The following DYM variants were observed in gnomAD, a reference collection of about 807,000 sequenced individuals.
The protein encoded by DYM is dyggve-Melchior-Clausen syndrome protein.
In DYM, 78 loss-of-function variants were observed where a neutral mutation model predicts 93.1. That is an observed-to-expected ratio of 0.84 (90% CI 0.70 to 1.01). The LOEUF (loss-of-function observed/expected upper bound fraction) is 1.01, where lower values mean the gene tolerates loss of function less well. Ranked by LOEUF, DYM falls within the 50% of genes least tolerant of loss-of-function variation. The pLI, the probability that DYM is intolerant of heterozygous loss-of-function variation, is 0.00. For synonymous variants in DYM, 321 were observed against 319.7 expected, an observed-to-expected ratio of 1.00 and a Z score of -0.04; for missense variants, 789 against 845.0, an observed-to-expected ratio of 0.93 and a Z score of 0.82.
At chr18:49,267,240 C>A (rs2094585543) in intron 11 of DYM, among the ~76,000 whole-genome samples, 1 of 150,556 alleles carries the variant, frequency 6.6e-6, no homozygotes, top group South Asian at 2.1e-4. Flanking sequence ...ATATTATGAA[C>A]AATTTTATTG....
intron 5 of DYM, among the ~76,000 whole-genome samples, chr18:49,371,375 T>C (rs1361863792): frequency 1.3e-5 from 2 of 152,134 alleles, no homozygotes; most frequent in Non-Finnish European, 2.9e-5. Flanking sequence ...CTTAATGGTA[T>C]GTGCCTGTAG....
At position 49,182,217 on chromosome 18, in the gene DYM, T is replaced by C. The variant is rs144302642; in HGVS notation, c.1626-18430A>G. Among the ~76,000 whole-genome samples, 21 of 152,314 alleles carry C rather than the reference T, an allele frequency of 1.4e-4. No homozygotes were observed. The East Asian group carries it at 2.3e-3, about 17-fold the overall frequency. On this transcript the variant is annotated intron_variant, in intron 14 of 17. Transcript: ENST00000675505. ...TCTTACTGAGACTTGTTTGATGGCA[T>C]AGAATATGGTCTTTGTTGGCAAATG...
intron 2 of DYM, among the ~76,000 whole-genome samples, chr18:49,412,637 T>C (rs1034839963): frequency 6.6e-6 from 1 of 152,166 alleles, no homozygotes; most frequent in Non-Finnish European, 1.5e-5. Flanking sequence ...ATTTAGAAGA[T>C]GGTTTAGCAG....
chr18:49,168,295 G>A (rs1346426211), intron 14 of DYM, among the ~76,000 whole-genome samples: 1 of 152,106 alleles, frequency 6.6e-6, no homozygotes, highest in Non-Finnish European at 1.5e-5. Flanking sequence ...ATACATACAT[G>A]AGAGAGTGGT....
intron 1 of DYM, among the ~76,000 whole-genome samples, chr18:49,457,881 A>G (rs1289007901): frequency 6.6e-6 from 1 of 152,200 alleles, no homozygotes; most frequent in Non-Finnish European, 1.5e-5. Flanking sequence ...GTATGATCAG[A>G]GAGATGCAAC....
At chr18:49,284,379 C>T (rs1405934515) in intron 9 of DYM, among the ~76,000 whole-genome samples, 1 of 152,138 alleles carries the variant, frequency 6.6e-6, no homozygotes, top group African/African-American at 2.4e-5. Context: ...TATGAATACC[C>T]TTAAGCCAAC....
At chr18:49,222,404 C>T (rs910123418) in intron 13 of DYM, among the ~76,000 whole-genome samples, 3 of 151,946 alleles carry the variant, frequency 2.0e-5, no homozygotes, top group Admixed American at 6.6e-5. Context: ...CTTCTAGGTC[C>T]GAGACAAGAA....
chr18:49,129,032 C>T (rs2083114856), intron 15 of DYM, among the ~76,000 whole-genome samples: 1 of 151,738 alleles, frequency 6.6e-6, no homozygotes, highest in Admixed American at 6.6e-5. Flanking sequence ...GCTTGATGCC[C>T]TTTTTTCATT....
Position 49,378,505 on chromosome 18 carries a change from G to A in DYM, c.421+62C>T. On this transcript the variant is annotated intron_variant, in intron 5 of 17. Transcript: ENST00000675505. The stretch of plus-strand genomic sequence containing the variant: ...TTTTCAAAATCATACTTTTATTCCT[G>A]AAATTTTATCCTTAAATGTTACACA... 16 of 1,479,530 alleles carry A rather than the reference G, an allele frequency of 1.1e-5. 1 individual carries two copies. In the South Asian group the frequency reaches 1.8e-4, roughly 16 times the overall value. The allele number at this position is 1,479,530 out of a possible 1,614,324, so 91.7% of individuals were successfully genotyped here. A position where few individuals can be genotyped will look rare whatever the true frequency, so the allele number is the denominator to read the frequency against.
intron 17 of DYM, among the ~76,000 whole-genome samples, chr18:49,045,656 C>CA (rs1180269334): frequency 2.6e-5 from 4 of 152,018 alleles, no homozygotes. Context: ...GCAGCAGCAA[C>CA]AAAAAACCAA....
chr18:49,220,622 G>C (rs796485526), intron 13 of DYM, among the ~76,000 whole-genome samples: 1 of 152,104 alleles, frequency 6.6e-6, no homozygotes, highest in South Asian at 2.1e-4. Flanking sequence ...CTATCTGATC[G>C]TTGACAAACC....
intron 13 of DYM, among the ~76,000 whole-genome samples, chr18:49,221,510 T>C (rs2093356387): frequency 6.6e-6 from 1 of 152,146 alleles, no homozygotes; most frequent in South Asian, 2.1e-4. Context: ...CCAAGCCAAA[T>C]GTCCAACAAT....
At chr18:49,362,368 AT>A (rs1459075034) in intron 6 of DYM, among the ~76,000 whole-genome samples, 1 of 152,100 alleles carries the variant, frequency 6.6e-6, no homozygotes, top group Non-Finnish European at 1.5e-5. Flanking sequence ...TGAGATGAAC[AT>A]TTCGAATCAC....
chr18:49,334,057 A>G (rs2063499467), intron 6 of DYM, among the ~76,000 whole-genome samples: 2 of 152,348 alleles, frequency 1.3e-5, no homozygotes, highest in South Asian at 4.1e-4. Flanking sequence ...TATTTGGGTT[A>G]GTTATCCCTT....
At chr18:49,387,679 T>TTTTATA (rs1389950878) in intron 3 of DYM, among the ~76,000 whole-genome samples, 1 of 152,204 alleles carries the variant, frequency 6.6e-6, no homozygotes, top group Non-Finnish European at 1.5e-5. Flanking sequence ...AAAATTAAGA[T>TTTTATA]ACATACATTT....
chr18:49,265,778 C>CA (rs202068472), intron 11 of DYM, among the ~76,000 whole-genome samples: 9,082 of 52,764 alleles, frequency 0.17, 517 homozygotes, highest in East Asian at 0.43. Flanking sequence ...AACTCCATCT[C>CA]AAAAAAAAAA....
At chr18:49,098,355 C>A (rs747896796) in intron 16 of DYM, among the ~76,000 whole-genome samples, 1 of 152,166 alleles carries the variant, frequency 6.6e-6, no homozygotes, top group Admixed American at 6.5e-5. Flanking sequence ...TACAAACAAT[C>A]CTTCACAAAC....
At chr18:49,438,766 G>A (rs1447689957) in intron 1 of DYM, among the ~76,000 whole-genome samples, 2 of 152,168 alleles carry the variant, frequency 1.3e-5, no homozygotes, top group African/African-American at 4.8e-5. Context: ...AGTAGCCACT[G>A]AGGCACTCTT....
At chr18:49,398,629 A>G (rs1236240530) in intron 2 of DYM, among the ~76,000 whole-genome samples, 1 of 152,246 alleles carries the variant, frequency 6.6e-6, no homozygotes, top group African/African-American at 2.4e-5. Context: ...TGGCTTTCCA[A>G]TTCCTGGGAC....
Sources: allele counts gnomAD v4.1 joint callset (sites outside exome capture counted in the v4.1 genomes callset), GRCh38; gene constraint gnomAD v4.1.1; transcripts MANE v1.5; gene names NCBI Gene and HGNC (gene_info 2026-07-23, HGNC 2026-07-21).